PDE12: variants seen among roughly 807,000 people sequenced by gnomAD.
PDE12 encodes the protein phosphodiesterase 12.
PDE12 carries 26 observed loss-of-function variants against 45.4 expected under a neutral mutation model. The ratio of observed to expected loss-of-function variants is 0.57; its 90% CI spans 0.42 to 0.79. The LOEUF is 0.79. Ranked by LOEUF, PDE12 falls within the 30% of genes least tolerant of loss-of-function variation. The probability of loss-of-function intolerance (pLI) is 0.00; values close to 1 mark genes in which losing one functional copy is unlikely to be tolerated. For synonymous variants in PDE12, 283 were observed against 323.9 expected (o/e 0.87, Z 1.36); for missense variants, 668 against 790.0 (o/e 0.85, Z 1.85).
chr3:57,616,868 C>T, the PDE12 span, among the ~76,000 whole-genome samples: 1 of 150,952 alleles, frequency 6.6e-6, no homozygotes, highest in African/African-American at 2.4e-5. Flanking sequence ...TACTAAAATA[C>T]AAAAAATTAG....
At position 57,560,799 on chromosome 3, in the gene PDE12, G is replaced by A; in HGVS notation, c.*795G>A. The A allele has an allele frequency of 1.0e-6, 1 of 985,006 alleles. No homozygotes were observed. The highest frequency in any genetic ancestry group is 1.1e-4 in the East Asian group (1 of 8,812). The allele number at this position is 985,006 out of a possible 1,614,324, so 61.0% of individuals were successfully genotyped here. ...AGGGTGAGAGACTTAAGTTATAGGT[G>A]ACCTTAGAGACCTAAGGTGAGAGAC... On this transcript the variant is annotated 3_prime_UTR_variant, in exon 3 of 3. Coordinates refer to ENST00000311180, the MANE Select transcript of PDE12 (RefSeq NM_177966.7).
chr3:57,616,466 G>A, the PDE12 span, among the ~76,000 whole-genome samples: 1 of 149,742 alleles, frequency 6.7e-6, no homozygotes. Flanking sequence ...AGGAGGAGGA[G>A]AAAGAAGGAA....
the PDE12 span, among the ~76,000 whole-genome samples, chr3:57,618,609 T>TTTTTTG: frequency 1.3e-4 from 15 of 111,826 alleles, no homozygotes; most frequent in African/African-American, 4.4e-4. Context: ...GCTTTTGTGT[T>TTTTTTG]TTTTTTTTTT....
chr3:57,647,081 TA>T, the PDE12 span, among the ~76,000 whole-genome samples: 1 of 152,098 alleles, frequency 6.6e-6, no homozygotes, highest in East Asian at 1.9e-4. Context: ...CCTGGCTTGG[TA>T]AAAAATTTTC....
chr3:57,628,319 A>G, the PDE12 span: 7 of 1,614,132 alleles, frequency 4.3e-6, no homozygotes, highest in Non-Finnish European at 5.9e-6. Flanking sequence ...CAGGTTTCAC[A>G]GGTAAGTGCT....
In PDE12 at chr3:57,557,503, G is replaced by T. The variant is rs762497418; in HGVS notation, c.1124G>T (p.Arg375Leu). The change falls in exon 1 of 3, where the codon CGA (arginine) becomes CTA (leucine). Residue 375 changes from arginine (R) to leucine (L), a missense_variant. By Grantham distance (102) the Arg-to-Leu change is moderately radical. Coordinates refer to ENST00000311180, the MANE Select transcript of PDE12 (RefSeq NM_177966.7). ...GCCTTCGGGCTCGAGGGGGTGTTTCGAATCAAGCAGCACGAAGGCCTGGCC... is the reference window on the plus strand; with the variant it reads ...GCCTTCGGGCTCGAGGGGGTGTTTCTAATCAAGCAGCACGAAGGCCTGGCC... Reference protein sequence around the residue: ...LEAFGLEGVFRIKQHEGLATF... With the variant: ...LEAFGLEGVFLIKQHEGLATF... 1 of 1,614,004 alleles carries T rather than the reference G, an allele frequency of 6.2e-7. No individual in the cohort carries two copies. The highest frequency in any genetic ancestry group is 1.1e-5 in the South Asian group (1 of 91,076).
At chr3:57,645,444 G>C in the PDE12 span, among the ~76,000 whole-genome samples, 1 of 152,176 alleles carries the variant, frequency 6.6e-6, no homozygotes, top group Non-Finnish European at 1.5e-5. Context: ...CTGGGCGACA[G>C]AGCAAACCTC....
chr3:57,573,933 G>GT, the PDE12 span, among the ~76,000 whole-genome samples: 2,361 of 146,456 alleles, frequency 0.016, 48 homozygotes, highest in African/African-American at 0.05. Context: ...GCAATAGGTT[G>GT]TTTTTTTTTG....
At chr3:57,629,507 C>CT in the PDE12 span, among the ~76,000 whole-genome samples, 1,099 of 98,218 alleles carry the variant, frequency 0.011, 23 homozygotes, top group African/African-American at 0.015. Flanking sequence ...AATCAGTCCG[C>CT]TTTTTTTTTT....
At chr3:57,581,369 T>C in the PDE12 span, among the ~76,000 whole-genome samples, 1 of 152,162 alleles carries the variant, frequency 6.6e-6, no homozygotes, top group Non-Finnish European at 1.5e-5. Flanking sequence ...AGGCCAGAAT[T>C]GGGTCTAATT....
chr3:57,556,624 C>A lies in PDE12; in HGVS notation c.245C>A (p.Ala82Asp). 6.2e-7 allele frequency: 1 copy of A among 1,608,898 alleles called. No individual in the cohort carries two copies. The highest frequency in any genetic ancestry group is 8.5e-7 in the Non-Finnish European group (1 of 1,176,526). ...GRVLSRIATN[A>D]LKGHAKAAAA... Reference sequence around the variant, plus strand: ...GTCCTCAGCCGCATCGCTACCAATGCCCTAAAGGGTCACGCTAAGGCGGCC... The same window carrying A: ...GTCCTCAGCCGCATCGCTACCAATGACCTAAAGGGTCACGCTAAGGCGGCC... Residue 82 changes from alanine (A) to aspartate (D), a missense_variant, in exon 1 of 3, where the codon GCC becomes GAC. By Grantham distance (126) the Ala-to-Asp change is moderately radical. Around this residue, in one of 3 missense-constraint regions of PDE12, gnomAD observed 580 missense variants for 662.9 expected, o/e 0.87. Coordinates refer to ENST00000311180, the MANE Select transcript of PDE12 (RefSeq NM_177966.7). The surrounding 1 kb of genome is among the most constrained non-coding windows in gnomAD (Gnocchi z 5.0).
At chr3:57,614,530 TTTTTTTGTTTTTTG>T in the PDE12 span, among the ~76,000 whole-genome samples, 1 of 134,654 alleles carries the variant, frequency 7.4e-6, no homozygotes, top group Non-Finnish European at 1.6e-5. Flanking sequence ...TCCGTTTTTT[TTTTTTTGTTTTTTG>T]TTTTTTTTTT....
At chr3:57,620,597 A>C in the PDE12 span, among the ~76,000 whole-genome samples, 1 of 152,194 alleles carries the variant, frequency 6.6e-6, no homozygotes, top group South Asian at 2.1e-4. Flanking sequence ...TCTTCAAAAA[A>C]GGCTACTAGA....
chr3:57,638,279 TAAA>T, the PDE12 span, among the ~76,000 whole-genome samples: 1 of 140,142 alleles, frequency 7.1e-6, no homozygotes, highest in Non-Finnish European at 1.6e-5. Context: ...TTCCTATAAC[TAAA>T]AAAAAAAAAC....
At chr3:57,650,599 G>A in the PDE12 span, among the ~76,000 whole-genome samples, 1 of 152,010 alleles carries the variant, frequency 6.6e-6, no homozygotes, top group Non-Finnish European at 1.5e-5. Flanking sequence ...AGAAATGGCT[G>A]GTTCTAGGGC....
At chr3:57,590,657 T>C in the PDE12 span, among the ~76,000 whole-genome samples, 1 of 146,364 alleles carries the variant, frequency 6.8e-6, no homozygotes, top group African/African-American at 2.4e-5. Context: ...CCTTCATAAT[T>C]ATAAGTGTGT....
At chr3:57,577,236 G>A in the PDE12 span, 1 of 1,187,092 alleles carries the variant, frequency 8.4e-7, no homozygotes, top group South Asian at 1.3e-5. Context: ...TCTAATCATA[G>A]TCAAAATGTA....
chr3:57,609,917 C>A, the PDE12 span, among the ~76,000 whole-genome samples: 6 of 152,090 alleles, frequency 3.9e-5, no homozygotes, highest in African/African-American at 1.4e-4. Context: ...CAAAGGCTGG[C>A]AGAGACACAA....
At chr3:57,568,468 TG>T (rs2069805965), downstream of PDE12, among the ~76,000 whole-genome samples, 1 of 152,038 alleles carries the variant, frequency 6.6e-6, no homozygotes. Flanking sequence ...AAAAAAAGTT[TG>T]ATCATAGTAA....
Sources: gnomAD v4.1 joint callset for allele counts (sites outside exome capture counted in the v4.1 genomes callset) on GRCh38, gnomAD v4.1.1 for gene constraint, gnomAD v4.1.1 regional missense constraint, Gnocchi (gnomAD v3.1) non-coding constraint, MANE v1.5 for transcripts, NCBI Gene and HGNC (gene_info 2026-07-23, HGNC 2026-07-21) for gene names.